FKBP7: variants seen among roughly 807,000 people sequenced by gnomAD.
FKBP7 encodes the protein FKBP prolyl isomerase 7.
In FKBP7, 24 loss-of-function variants were observed where a neutral mutation model predicts 24.3. The observed-to-expected ratio is 0.99, with a 90% CI of 0.72 to 1.39. The LOEUF (loss-of-function observed/expected upper bound fraction) is 1.39, where lower values mean the gene tolerates loss of function less well. Among genes scored for constraint, FKBP7 ranks in the 40% most tolerant of loss-of-function variants. FKBP7 has a pLI of 0.00. For synonymous variants in FKBP7, 98 were observed against 92.8 expected (o/e 1.06, Z -0.32); for missense variants, 257 against 269.5 (o/e 0.95, Z 0.33).
intron 2 of FKBP7, among the ~76,000 whole-genome samples, chr2:178,475,076 TAATTTATTTAACTAATTTCC>T (rs1203529684): frequency 1.3e-5 from 2 of 152,222 alleles, no homozygotes; most frequent in African/African-American, 4.8e-5. Flanking sequence ...AGATATACTA[TAATTTATTTAACTAATTTCC>T]TATTGATGGA....
At chr2:178,467,117 G>C (rs1485743957) in intron 3 of FKBP7, among the ~76,000 whole-genome samples, 2 of 152,172 alleles carry the variant, frequency 1.3e-5, no homozygotes, top group African/African-American at 4.8e-5. Flanking sequence ...ATATTTCTCA[G>C]TTTCTAAGTA....
In FKBP7 at chr2:178,465,871, G is replaced by A; in HGVS notation, c.568C>T (p.Gln190Ter). 1 of 1,610,914 alleles carries A rather than the reference G, an allele frequency of 6.2e-7. No individual in the cohort carries two copies. Residue 190 changes from glutamine (Q) to a stop codon, truncating the protein, a stop_gained, in exon 4 of 4, where the codon CAG (glutamine) becomes TAG (stop). Coordinates refer to ENST00000424785, the MANE Select transcript of FKBP7 (RefSeq NM_181342.3). LOFTEE classifies it high-confidence loss of function. ...KDEKPRDKSY[Q>*]DAVLEDIFKK... ...AAAATATCTTCTAAAACTGCATCCT[G>A]ATATGACTTGTCACGTGGCTTCTCA... is the stretch of plus-strand genomic sequence containing the variant.
chr2:178,468,112 A>G (rs1390818065), intron 3 of FKBP7, among the ~76,000 whole-genome samples: 3 of 152,194 alleles, frequency 2.0e-5, no homozygotes, highest in African/African-American at 4.8e-5. Context: ...TGAAAAAGAA[A>G]CAGAGAAAAA....
At chr2:178,477,718 T>C (rs1376524547) in intron 1 of FKBP7, among the ~76,000 whole-genome samples, 1 of 152,198 alleles carries the variant, frequency 6.6e-6, no homozygotes, top group East Asian at 1.9e-4. Context: ...GAACTGTTTT[T>C]CCCAGTCCTA....
intron 2 of FKBP7, among the ~76,000 whole-genome samples, chr2:178,473,544 GT>G (rs1684916923): frequency 2.6e-5 from 4 of 152,214 alleles, no homozygotes; most frequent in African/African-American, 9.6e-5. Context: ...GCATAAATTA[GT>G]TTATGAAAAA....
chr2:178,476,380 A>C (rs1329587002), intron 2 of FKBP7, among the ~76,000 whole-genome samples: 2 of 152,152 alleles, frequency 1.3e-5, no homozygotes, highest in Non-Finnish European at 2.9e-5. Context: ...CATAAAATTT[A>C]CCATCATAAC....
chr2:178,475,021 G>A (rs1376675846), intron 2 of FKBP7, among the ~76,000 whole-genome samples: 3 of 152,038 alleles, frequency 2.0e-5, no homozygotes, highest in Non-Finnish European at 4.4e-5. Flanking sequence ...AATAAGTATA[G>A]CTCTACTTCA....
chr2:178,473,166 T>C (rs1332078871), intron 2 of FKBP7: 4 of 1,071,798 alleles, frequency 3.7e-6, no homozygotes, highest in Non-Finnish European at 5.1e-6. Context: ...ATAGCTAATG[T>C]TAGGTCTTAA....
Position 178,464,769 on chromosome 2 carries a change from C to T in FKBP7, c.*1001G>A, listed in dbSNP as rs1246589851. 6.6e-6 allele frequency: 1 copy of T among 152,220 alleles called. No homozygotes were observed. Among genetic ancestry groups the T allele is most frequent in the Admixed American group, 6.5e-5 (1 of 15,286 alleles). 9.4% of individuals were successfully genotyped at this position (152,220 alleles called of 1,614,324 possible). A position where few individuals can be genotyped will look rare whatever the true frequency, so the allele number is the denominator to read the frequency against. On this transcript the variant is annotated 3_prime_UTR_variant, in exon 4 of 4. Transcript: ENST00000424785. The stretch of plus-strand genomic sequence containing the variant: ...TCTACAGCATCTCTTACATACTATT[C>T]TCAAGTCATATGATATCATAACTTG...
intron 2 of FKBP7, among the ~76,000 whole-genome samples, chr2:178,471,300 C>T (rs1684842470): frequency 6.6e-6 from 1 of 151,926 alleles, no homozygotes; most frequent in Non-Finnish European, 1.5e-5. Flanking sequence ...ACCTCTGCCT[C>T]CCAGGTTCAA....
Position 178,478,337 on chromosome 2 carries a change from G to C in FKBP7, c.163C>G (p.Leu55Val). 1 of 1,614,070 alleles carries C rather than the reference G, an allele frequency of 6.2e-7. No individual in the cohort carries two copies. ...TAGCCGTCATAATGGGCATTTAGTAGGTCTCCCTTCTTGCTTGTCTTAGAG... is the reference window on the plus strand; with the variant it reads ...TAGCCGTCATAATGGGCATTTAGTACGTCTCCCTTCTTGCTTGTCTTAGAG... ...NCSKTSKKGD[L>V]LNAHYDGYLA... Residue 55 changes from leucine (L) to valine (V), a missense_variant, in exon 1 of 4, where the codon CTA becomes GTA. Leu to Val is a conservative substitution (Grantham distance 32). Transcript: ENST00000424785.
chr2:178,477,200 C>T lies in FKBP7; in HGVS notation c.235G>A (p.Glu79Lys), dbSNP rs752796490. 5.0e-6 allele frequency: 8 copies of T among 1,610,100 alleles called. No homozygotes were observed. The South Asian group carries it at 8.9e-5, about 18-fold the overall frequency. ...SKFYCSRTQN[E>K]GHPKWFVLGV... ...AGAACAAACCATTTGGGGTGGCCTTCATTTTGTGTCCGGCTATAACAAAAA... is the reference window on the plus strand; with the variant it reads ...AGAACAAACCATTTGGGGTGGCCTTTATTTTGTGTCCGGCTATAACAAAAA... Residue 79 changes from glutamate (E) to lysine (K), a missense_variant, in exon 2 of 4, where the codon GAA (glutamate) becomes AAA (lysine). Coordinates refer to ENST00000424785, the MANE Select transcript of FKBP7 (RefSeq NM_181342.3).
At chr2:178,473,134 A>C in intron 2 of FKBP7, 1 of 1,280,988 alleles carries the variant, frequency 7.8e-7, no homozygotes, top group Non-Finnish European at 1.0e-6. Flanking sequence ...AGACTTCTTC[A>C]AGTACTACCT....
chr2:178,476,087 T>C (rs1684989563), intron 2 of FKBP7, among the ~76,000 whole-genome samples: 1 of 152,212 alleles, frequency 6.6e-6, no homozygotes, highest in Non-Finnish European at 1.5e-5. Flanking sequence ...ATCTGTGTTA[T>C]AAATATTTAT....
At chr2:178,466,019 CAT>C in intron 3 of FKBP7, 88 bp from the exon 4 acceptor site, 6 of 1,119,862 alleles carry the variant, frequency 5.4e-6, no homozygotes, top group South Asian at 3.5e-5. Flanking sequence ...TAATGAAACT[CAT>C]GTGCAAGATT....
In FKBP7 at chr2:178,477,152, C is replaced by T. The variant is rs770776521; in HGVS notation, c.283G>A (p.Gly95Ser). ...FVLGVGQVIK[G>S]LDIAMTDMCP... ...ATATCTGTCATAGCAATGTCTAGGCCTTTTATGACTTGCCCAACACCAAGA... is the reference window on the plus strand; with the variant it reads ...ATATCTGTCATAGCAATGTCTAGGCTTTTTATGACTTGCCCAACACCAAGA... Residue 95 changes from glycine to serine, a missense_variant, in exon 2 of 4, where the codon GGC (glycine) becomes AGC (serine). Transcript: ENST00000424785. 1 of 1,613,064 alleles carries T rather than the reference C, an allele frequency of 6.2e-7. No individual in the cohort carries two copies. The highest frequency in any genetic ancestry group is 1.1e-5 in the South Asian group (1 of 90,846).
intron 1 of FKBP7, 39 bp downstream of exon 1, chr2:178,478,240 G>T: frequency 6.2e-7 from 1 of 1,609,892 alleles, no homozygotes; most frequent in South Asian, 1.1e-5. Flanking sequence ...GCAAGATTTT[G>T]TGCAACTGGA....
rs1684605750 is a variant in FKBP7, at chr2:178,464,688, A to G, written c.*1082T>C. ...ACAAAGCCTGACCATACCATGCAGT[A>G]TGCAAAATCTATGTTCCGATAGACA... is the stretch of plus-strand genomic sequence containing the variant. On this transcript the variant is annotated 3_prime_UTR_variant, in exon 4 of 4. Coordinates refer to ENST00000424785, the MANE Select transcript of FKBP7 (RefSeq NM_181342.3). 6.6e-6 allele frequency: 1 copy of G among 152,258 alleles called. No homozygotes were observed. Among genetic ancestry groups the G allele is most frequent in the South Asian group, 2.1e-4 (1 of 4,834 alleles). The allele number at this position is 152,258 out of a possible 1,614,324, so 9.4% of individuals were successfully genotyped here.
intron 2 of FKBP7, among the ~76,000 whole-genome samples, chr2:178,475,713 G>A (rs1684981304): frequency 6.6e-6 from 1 of 152,036 alleles, no homozygotes; most frequent in Admixed American, 6.6e-5. Flanking sequence ...TAGACTTAAA[G>A]GCCATTTGTA....
Sources: gnomAD v4.1 joint callset for allele counts (sites outside exome capture counted in the v4.1 genomes callset) on GRCh38, gnomAD v4.1.1 for gene constraint, MANE v1.5 for transcripts, NCBI Gene and HGNC (gene_info 2026-07-23, HGNC 2026-07-21) for gene names.